The following VIT variants were observed in gnomAD, a reference collection of about 807,000 sequenced individuals.
The protein encoded by VIT is vitrin.
Under a neutral mutation model 78.0 loss-of-function variants are expected in VIT, and 99 were observed. The observed-to-expected ratio is 1.27, with a 90% CI of 1.08 to 1.50. VIT has a LOEUF of 1.50. Among genes scored for constraint, VIT ranks in the 40% most tolerant of loss-of-function variants. The probability of loss-of-function intolerance (pLI) is 0.00; values close to 1 mark genes in which losing one functional copy is unlikely to be tolerated. For missense variants in VIT, 1,126 were observed against 875.3 expected (o/e 1.29, Z -3.61); for synonymous variants, 374 against 334.3 (o/e 1.12, Z -1.29).
At chr2:36,803,154 G>A (rs563774754) in intron 13 of VIT, among the ~76,000 whole-genome samples, 32 of 152,228 alleles carry the variant, frequency 2.1e-4, no homozygotes, top group Middle Eastern at 3.4e-3. Context: ...ACACCCTGCC[G>A]CCCCAAACCA....
In VIT at chr2:36,814,670, T is replaced by C; in HGVS notation, c.*309T>C. The C allele has an allele frequency of 4.0e-6, 1 of 250,238 alleles. No individual in the cohort carries two copies. Among genetic ancestry groups the C allele is most frequent in the East Asian group, 8.1e-5 (1 of 12,312 alleles). The allele number at this position is 250,238 out of a possible 1,614,324, so 15.5% of individuals were successfully genotyped here. On this transcript the variant is annotated 3_prime_UTR_variant, in exon 16 of 16. Coordinates refer to ENST00000379242, the MANE Select transcript of VIT (RefSeq NM_053276.4). Reference sequence around the variant, plus strand: ...GTGCAGCCCTTACGACAGGCTTACGTAGAGCTTTTGTGAGATTTTTAAGTT... The same window carrying C: ...GTGCAGCCCTTACGACAGGCTTACGCAGAGCTTTTGTGAGATTTTTAAGTT...
At chr2:36,774,698 G>T (rs1309671040) in intron 8 of VIT, 1 of 985,268 alleles carries the variant, frequency 1.0e-6, no homozygotes, top group African/African-American at 1.7e-5. Context: ...ACATGCTGTT[G>T]TCCTGGACAA....
At chr2:36,763,704 C>T (rs1669258452) in intron 6 of VIT, among the ~76,000 whole-genome samples, 2 of 151,120 alleles carry the variant, frequency 1.3e-5, no homozygotes, top group Non-Finnish European at 2.9e-5. Context: ...ATTCTCCTGC[C>T]TCAGCCTCTG....
chr2:36,765,171 T>C (rs988750892), intron 6 of VIT, among the ~76,000 whole-genome samples: 2 of 152,078 alleles, frequency 1.3e-5, no homozygotes, highest in Non-Finnish European at 2.9e-5. Context: ...ATTCCCCAGG[T>C]GGGCTCTAAA....
intron 1 of VIT, among the ~76,000 whole-genome samples, chr2:36,716,028 T>A (rs1049795212): frequency 6.6e-6 from 1 of 152,248 alleles, no homozygotes. Flanking sequence ...GCCATAAATG[T>A]GGCTTTCATC....
chr2:36,788,196 C>G (rs531289276), intron 12 of VIT: 1 of 180,088 alleles, frequency 5.6e-6, no homozygotes, highest in Admixed American at 6.3e-5. Context: ...ACCATCATAA[C>G]CTTTGGTGCC....
chr2:36,768,030 C>T (rs1669537202), intron 7 of VIT, among the ~76,000 whole-genome samples: 1 of 152,226 alleles, frequency 6.6e-6, no homozygotes, highest in Non-Finnish European at 1.5e-5. Flanking sequence ...TTGTTCTTTT[C>T]AGGCTCGCCT....
chr2:36,801,097 G>A lies in VIT; in HGVS notation c.1059-204G>A, dbSNP rs76174323. 5.2e-4 allele frequency among the ~76,000 whole-genome samples: 79 copies of A among 152,240 alleles called. No homozygotes were observed. The East Asian group carries it at 9.6e-3, about 19-fold the overall frequency. ...CTCAAGATCACACAGCCAGGAAATG[G>A]CACAGTCAACACACGCCTTCTGAGC... On this transcript the variant is annotated intron_variant, in intron 12 of 15. Coordinates refer to ENST00000379242, the MANE Select transcript of VIT (RefSeq NM_053276.4).
At chr2:36,764,403 C>T (rs1331638578) in intron 6 of VIT, among the ~76,000 whole-genome samples, 5 of 152,296 alleles carry the variant, frequency 3.3e-5, no homozygotes, top group South Asian at 4.1e-4. Context: ...GAGGGTAAGA[C>T]GGAGAAGTAC....
At chr2:36,782,299 C>T (rs1312658827) in intron 10 of VIT, among the ~76,000 whole-genome samples, 3 of 152,316 alleles carry the variant, frequency 2.0e-5, no homozygotes, top group South Asian at 2.1e-4. Flanking sequence ...CTTCCTCCAA[C>T]GCAGAGTCTT....
chr2:36,761,726 C>T (rs575701868), intron 6 of VIT, among the ~76,000 whole-genome samples: 19 of 151,694 alleles, frequency 1.3e-4, no homozygotes, highest in Admixed American at 6.6e-4. Context: ...GGTGACAGAA[C>T]GAGACTCCAT....
chr2:36,711,985 T>C (rs1665830062), intron 1 of VIT, among the ~76,000 whole-genome samples: 1 of 152,204 alleles, frequency 6.6e-6, no homozygotes, highest in South Asian at 2.1e-4. Context: ...GAAGCCCCTA[T>C]TGTTCAGTTT....
At chr2:36,759,339 A>T in intron 6 of VIT, 1 of 1,425,752 alleles carries the variant, frequency 7.0e-7, no homozygotes, top group Non-Finnish European at 9.1e-7. Context: ...TTGCTTTAGA[A>T]AATGACATGA....
At chr2:36,719,741 C>T (rs1348544794) in intron 2 of VIT, among the ~76,000 whole-genome samples, 1 of 152,114 alleles carries the variant, frequency 6.6e-6, no homozygotes, top group Admixed American at 6.6e-5. Context: ...GAGTTTGAGA[C>T]CAGCTTGCAA....
intron 1 of VIT, among the ~76,000 whole-genome samples, chr2:36,702,974 G>A (rs187750308): frequency 7.2e-5 from 11 of 152,156 alleles, no homozygotes; most frequent in Admixed American, 5.9e-4. Flanking sequence ...ACCTGACTCA[G>A]ACCAGAGCTA....
Position 36,773,815 on chromosome 2 carries a change from C to T in VIT, c.704C>T (p.Thr235Ile), listed in dbSNP as rs1204626346. 1 of 1,605,166 alleles carries T rather than the reference C, an allele frequency of 6.2e-7. No homozygotes were observed. Among genetic ancestry groups the T allele is most frequent in the Non-Finnish European group, 8.5e-7 (1 of 1,174,696 alleles). The part of the protein sequence containing the change: ...EMDLWSTATY[T>I]SSQNRPRADP... ...GATCTCTGGTCCACTGCCACCTACA[C>T]AAGCAGCCAAAACAGGCCCAGAGCT... Residue 235 changes from threonine (T) to isoleucine (I), a missense_variant, in exon 8 of 16, where the codon ACA becomes ATA. Thr to Ile is a moderately conservative substitution (Grantham distance 89). Transcript: ENST00000379242.
chr2:36,746,978 C>G (rs573216542), intron 4 of VIT, among the ~76,000 whole-genome samples: 1 of 152,156 alleles, frequency 6.6e-6, no homozygotes, highest in South Asian at 2.1e-4. Flanking sequence ...TCACTGCAAC[C>G]CAGAGATTTT....
intron 3 of VIT, among the ~76,000 whole-genome samples, chr2:36,739,085 C>G (rs147451421): frequency 6.6e-6 from 1 of 152,172 alleles, no homozygotes; most frequent in African/African-American, 2.4e-5. Context: ...GGATTTTACT[C>G]TAGTTGAATA....
chr2:36,718,228 C>A (rs867092247), intron 2 of VIT, among the ~76,000 whole-genome samples: 41 of 152,118 alleles, frequency 2.7e-4, no homozygotes, highest in African/African-American at 9.9e-4. Context: ...GCACATAAAT[C>A]AACTCATAAT....
Sources: allele counts gnomAD v4.1 joint callset (sites outside exome capture counted in the v4.1 genomes callset), GRCh38; gene constraint gnomAD v4.1.1; transcripts MANE v1.5; gene names NCBI Gene and HGNC (gene_info 2026-07-23, HGNC 2026-07-21).